The following COL4A2 variants were observed in gnomAD, a reference collection of about 807,000 sequenced individuals.
COL4A2 encodes the protein collagen alpha-2(IV) chain.
A neutral mutation model predicts 200.2 loss-of-function variants in COL4A2; 99 were observed. The observed-to-expected ratio is 0.49, with a 90% CI of 0.42 to 0.58. COL4A2 has a LOEUF of 0.58. Among genes scored for constraint, COL4A2 ranks in the 20% least tolerant of loss-of-function variants. COL4A2 has a pLI of 0.00. For synonymous variants in COL4A2, 897 were observed against 900.6 expected (o/e 1.00, Z 0.07); for missense variants, 1,950 against 2,314.1 (o/e 0.84, Z 3.23).
intron 39 of COL4A2, among the ~76,000 whole-genome samples, chr13:110,494,245 G>T (rs1355819240): frequency 1.3e-5 from 2 of 152,162 alleles, no homozygotes; most frequent in African/African-American, 4.8e-5. Context: ...GCAACTGGAT[G>T]ATCCTCAAAA....
chr13:110,357,516 TGGGGGC>T lies in COL4A2; in HGVS notation c.145_150del (p.Gly49_Gly50del), dbSNP rs999455169. On this transcript the variant is annotated inframe_deletion, in exon 4 of 48. Transcript: ENST00000360467. ...TGCCGTGTGGAGGAAGAGATTGCAG[TGGGGGC>T]TGCCAGTGCTACCCTGAGAAAGGTG... The T allele has an allele frequency of 1.9e-6, 3 of 1,593,594 alleles. No individual in the cohort carries two copies. The highest frequency in any genetic ancestry group is 2.6e-6 in the Non-Finnish European group (3 of 1,168,046).
At chr13:110,325,325 ACCTC>A (rs1885378760) in intron 3 of COL4A2, among the ~76,000 whole-genome samples, 1 of 151,964 alleles carries the variant, frequency 6.6e-6, no homozygotes, top group African/African-American at 2.4e-5. Context: ...CCCACCTGTT[ACCTC>A]CCTAAGTTGT....
At chr13:110,350,406 AT>A (rs963544700) in intron 3 of COL4A2, among the ~76,000 whole-genome samples, 2 of 152,078 alleles carry the variant, frequency 1.3e-5, no homozygotes, top group South Asian at 2.1e-4. Flanking sequence ...GAGAACTACA[AT>A]TTTTTTTAGC....
intron 27 of COL4A2, 53 bp downstream of exon 27, chr13:110,467,149 C>T: frequency 6.2e-7 from 1 of 1,609,070 alleles, no homozygotes; most frequent in Non-Finnish European, 8.5e-7. Context: ...CACATCTTCA[C>T]ACTGCTGTGT....
chr13:110,310,213 A>T (rs1306494821), intron 3 of COL4A2, among the ~76,000 whole-genome samples: 1 of 152,180 alleles, frequency 6.6e-6, no homozygotes, highest in Non-Finnish European at 1.5e-5. Flanking sequence ...GGCACCAAGA[A>T]CATTGATTGC....
At chr13:110,505,363 A>G (rs1479414915) in intron 45 of COL4A2, among the ~76,000 whole-genome samples, 6 of 152,054 alleles carry the variant, frequency 3.9e-5, no homozygotes, top group Non-Finnish European at 8.8e-5. Flanking sequence ...AAAAAAAAAG[A>G]AAATTAAACA....
intron 3 of COL4A2, among the ~76,000 whole-genome samples, chr13:110,337,012 A>C (rs1170515053): frequency 2.6e-5 from 4 of 152,242 alleles, no homozygotes; most frequent in Non-Finnish European, 4.4e-5. Context: ...TGGGTACTGC[A>C]CTGGTTAGCA....
intron 40 of COL4A2, among the ~76,000 whole-genome samples, chr13:110,499,917 T>G (rs1299628613): frequency 6.6e-6 from 1 of 152,232 alleles, no homozygotes; most frequent in Non-Finnish European, 1.5e-5. Flanking sequence ...TTCGGGTACT[T>G]TGTGACAATA....
At chr13:110,485,090 G>C (rs142614401) in intron 33 of COL4A2, 63 bp downstream of exon 33, 1 of 1,425,992 alleles carries the variant, frequency 7.0e-7, no homozygotes, top group African/African-American at 1.4e-5. Flanking sequence ...GCACCAGCTC[G>C]TGCCCTTCTC....
In COL4A2 at chr13:110,473,111, A is replaced by C; in HGVS notation, c.2386A>C (p.Lys796Gln). Residue 796 changes from lysine (K) to glutamine (Q), a missense_variant, in exon 29 of 48, where the codon AAA (lysine) becomes CAA (glutamine). Coordinates refer to ENST00000360467, the MANE Select transcript of COL4A2 (RefSeq NM_001846.4). ...TGGTGTGCCTGGACAGCCTGGGCTT[A>C]AAGGCCTTCCCGGAGACAGAGGCCC... ...DAGVPGQPGLKGLPGDRGPPG... is the reference protein window; with the variant it reads ...DAGVPGQPGLQGLPGDRGPPG... 2 of 1,563,794 alleles carry C rather than the reference A, an allele frequency of 1.3e-6. No homozygotes were observed. The highest frequency in any genetic ancestry group is 1.7e-6 in the Non-Finnish European group (2 of 1,154,412).
At chr13:110,491,978 C>G in intron 37 of COL4A2, 92 bp from the exon 38 acceptor site, 1 of 1,147,052 alleles carries the variant, frequency 8.7e-7, no homozygotes, top group East Asian at 2.6e-5. Flanking sequence ...CCCTCGGCCC[C>G]TCCCAGAGCG....
chr13:110,489,461 C>G lies in COL4A2; in HGVS notation c.3224C>G (p.Pro1075Arg). 6.2e-7 allele frequency: 1 copy of G among 1,614,134 alleles called. No homozygotes were observed. Among genetic ancestry groups the G allele is most frequent in the Non-Finnish European group, 8.5e-7 (1 of 1,180,030 alleles). The change falls in exon 35 of 48, where the codon CCA becomes CGA. Residue 1075 changes from proline to arginine, a missense_variant. Pro to Arg is a moderately radical substitution (Grantham distance 103). Around this residue, in one of 2 missense-constraint regions of COL4A2, gnomAD observed 1,385 missense variants for 1,720.5 expected, o/e 0.80. Transcript: ENST00000360467. ...TGTCTTTAGGGTGACAAAGGTGCCC[C>G]AGGGAGAGCAGGCCTGTATGGCGAG... is the stretch of plus-strand genomic sequence containing the variant. ...FIGSRGDKGA[P>R]GRAGLYGEIG...
intron 15 of COL4A2, 100 bp from the exon 16 acceptor site, chr13:110,439,689 G>T (rs766075073): frequency 6.3e-7 from 1 of 1,580,398 alleles, no homozygotes; most frequent in Non-Finnish European, 8.6e-7. Context: ...TCTGTCCATC[G>T]GCATTTTGCT....
chr13:110,405,155 G>A lies in COL4A2; in HGVS notation c.181-19579G>A, dbSNP rs1308305316. ...AATAAATAAAATTTAAAAACGTTAG[G>A]AAGAGAGGAAGAAGAGGGTGGTACC... On this transcript the variant is annotated intron_variant, in intron 4 of 47. Coordinates refer to ENST00000360467, the MANE Select transcript of COL4A2 (RefSeq NM_001846.4). 5.3e-5 allele frequency among the ~76,000 whole-genome samples: 8 copies of A among 152,288 alleles called. 1 individual carries two copies. In the South Asian group the frequency reaches 1.5e-3, roughly 28 times the overall value.
In COL4A2 at chr13:110,317,752, G is replaced by A. The variant is rs528499775; in HGVS notation, c.99+9629G>A. Among the ~76,000 whole-genome samples the A allele has an allele frequency of 7.9e-5, 12 of 152,334 alleles. No individual in the cohort carries two copies. In the East Asian group the frequency reaches 1.9e-3, roughly 24 times the overall value. ...CCGGGCCACTGGGGTAAATGCTGCTGCAGCTATGTAAAGGGGAAAAGGAGG... is the reference window on the plus strand; with the variant it reads ...CCGGGCCACTGGGGTAAATGCTGCTACAGCTATGTAAAGGGGAAAAGGAGG... On this transcript the variant is annotated intron_variant, in intron 3 of 47. Transcript: ENST00000360467.
At chr13:110,494,470 T>C (rs1031012152) in intron 39 of COL4A2, among the ~76,000 whole-genome samples, 1 of 152,236 alleles carries the variant, frequency 6.6e-6, no homozygotes, top group Non-Finnish European at 1.5e-5. Flanking sequence ...CATCAGGCAC[T>C]AAGTGGGGAA....
intron 16 of COL4A2, among the ~76,000 whole-genome samples, chr13:110,443,789 G>C (rs970828620): frequency 6.6e-6 from 1 of 152,180 alleles, no homozygotes; most frequent in East Asian, 1.9e-4. Context: ...GGTCCTTCCC[G>C]GGGTGGTTGC....
At chr13:110,418,552 G>A (rs948344069) in intron 4 of COL4A2, among the ~76,000 whole-genome samples, 2 of 152,206 alleles carry the variant, frequency 1.3e-5, no homozygotes, top group African/African-American at 4.8e-5. Context: ...GTGAAGGTGT[G>A]TTTCTTTACA....
intron 3 of COL4A2, among the ~76,000 whole-genome samples, chr13:110,311,123 C>G (rs1884969626): frequency 6.6e-6 from 1 of 152,090 alleles, no homozygotes; most frequent in African/African-American, 2.4e-5. Flanking sequence ...AGGAAGGAGG[C>G]TCTCCCCCTC....
Sources: gnomAD v4.1 joint callset for allele counts (sites outside exome capture counted in the v4.1 genomes callset) on GRCh38, gnomAD v4.1.1 for gene constraint, gnomAD v4.1.1 regional missense constraint, MANE v1.5 for transcripts, NCBI Gene and HGNC (gene_info 2026-07-23, HGNC 2026-07-21) for gene names.